The following PITPNC1 variants were observed in gnomAD, a reference collection of about 807,000 sequenced individuals.
The protein encoded by PITPNC1 is cytoplasmic phosphatidylinositol transfer protein 1.
Under a neutral mutation model 44.7 loss-of-function variants are expected in PITPNC1, and 18 were observed. The ratio of observed to expected loss-of-function variants is 0.40; its 90% CI spans 0.28 to 0.60. The LOEUF (loss-of-function observed/expected upper bound fraction) is 0.60. Ranked by LOEUF, PITPNC1 falls within the 20% of genes least tolerant of loss-of-function variation. The pLI is 0.39. For synonymous variants in PITPNC1, 141 were observed against 149.6 expected (o/e 0.94, Z 0.42); for missense variants, 290 against 418.4 (o/e 0.69, Z 2.68).
intron 1 of PITPNC1, among the ~76,000 whole-genome samples, chr17:67,505,098 C>T (rs749682908): frequency 6.6e-6 from 1 of 152,178 alleles, no homozygotes; most frequent in East Asian, 1.9e-4. Context: ...TGTATGAGTT[C>T]AGTCCTTTTA....
chr17:67,425,047 AC>A (rs1385489330), intron 1 of PITPNC1, among the ~76,000 whole-genome samples: 1 of 151,522 alleles, frequency 6.6e-6, no homozygotes, highest in Non-Finnish European at 1.5e-5. Context: ...TGTGAGATCC[AC>A]CCCCTGCCTG....
At chr17:67,562,539 C>CT (rs372142034) in intron 4 of PITPNC1, among the ~76,000 whole-genome samples, 11 of 151,584 alleles carry the variant, frequency 7.3e-5, no homozygotes, top group Non-Finnish European at 1.3e-4. Context: ...GAAAAGTCTA[C>CT]TTTTTTTTTC....
intron 1 of PITPNC1, among the ~76,000 whole-genome samples, chr17:67,472,154 C>T (rs1186316781): frequency 4.0e-5 from 6 of 151,706 alleles, no homozygotes; most frequent in Non-Finnish European, 7.4e-5. Flanking sequence ...TGAAGTTAAC[C>T]TTGATCACTT....
chr17:67,564,197 A>ATGGT (rs2040944758), intron 4 of PITPNC1, among the ~76,000 whole-genome samples: 1 of 151,460 alleles, frequency 6.6e-6, no homozygotes, highest in South Asian at 2.1e-4. Context: ...GGATGGATGG[A>ATGGT]TGGATGAGAG....
chr17:67,380,835 G>A (rs1172843206), intron 1 of PITPNC1, among the ~76,000 whole-genome samples: 1 of 151,926 alleles, frequency 6.6e-6, no homozygotes, highest in Non-Finnish European at 1.5e-5. Context: ...GTGCAGTGGC[G>A]TGATCCTAGT....
At chr17:67,452,737 C>A (rs1048788180) in intron 1 of PITPNC1, among the ~76,000 whole-genome samples, 2 of 152,184 alleles carry the variant, frequency 1.3e-5, no homozygotes, top group Non-Finnish European at 2.9e-5. Context: ...CCACCCACCT[C>A]GGCCTCCCAA....
intron 1 of PITPNC1, among the ~76,000 whole-genome samples, chr17:67,509,557 T>TAAAAAAA (rs968819063): frequency 3.7e-5 from 5 of 135,194 alleles, no homozygotes; most frequent in African/African-American, 1.4e-4. Flanking sequence ...TAAATTGAAT[T>TAAAAAAA]AAAAATAAAT....
intron 1 of PITPNC1, among the ~76,000 whole-genome samples, chr17:67,433,435 A>G (rs376064023): frequency 1.3e-5 from 2 of 152,184 alleles, no homozygotes; most frequent in African/African-American, 4.8e-5. Context: ...AGCCCCGGGC[A>G]GAAGATAGAA....
At chr17:67,658,578 G>A (rs1398949451) in intron 6 of PITPNC1, among the ~76,000 whole-genome samples, 1 of 152,156 alleles carries the variant, frequency 6.6e-6, no homozygotes, top group African/African-American at 2.4e-5. Context: ...GTGTCTGCAT[G>A]CCTAATTCTT....
chr17:67,510,821 C>T (rs894154081), intron 1 of PITPNC1, among the ~76,000 whole-genome samples: 22 of 152,094 alleles, frequency 1.4e-4, no homozygotes, highest in Non-Finnish European at 2.2e-4. Flanking sequence ...TAAAGACTCC[C>T]GGGTCCCATC....
chr17:67,490,980 T>C (rs1409216169), intron 1 of PITPNC1, among the ~76,000 whole-genome samples: 2 of 152,238 alleles, frequency 1.3e-5, no homozygotes, highest in African/African-American at 4.8e-5. Context: ...TTTTCCTCTC[T>C]AGATTAGCAC....
At chr17:67,683,162 C>CAA (rs901577194) in intron 8 of PITPNC1, among the ~76,000 whole-genome samples, 3,190 of 36,192 alleles carry the variant, frequency 0.088, 107 homozygotes, top group East Asian at 0.16. Context: ...AACTGAGTCT[C>CAA]AAAAAAAAAA....
intron 1 of PITPNC1, among the ~76,000 whole-genome samples, chr17:67,447,089 C>CAAAA (rs749024248): frequency 0.2 from 7,189 of 35,390 alleles, 1,728 homozygotes; most frequent in Non-Finnish European, 0.29. Flanking sequence ...GACTCTGTCT[C>CAAAA]AAAAAAAAAA....
chr17:67,382,458 C>T (rs1267696983), intron 1 of PITPNC1, among the ~76,000 whole-genome samples: 1 of 151,054 alleles, frequency 6.6e-6, no homozygotes, highest in African/African-American at 2.4e-5. Context: ...TGGAATAGTC[C>T]CTCGTTTGTG....
chr17:67,627,502 G>A (rs2041910330), intron 5 of PITPNC1, among the ~76,000 whole-genome samples: 1 of 152,218 alleles, frequency 6.6e-6, no homozygotes, highest in South Asian at 2.1e-4. Context: ...TGCAGCCTTA[G>A]CTATTCAACA....
At chr17:67,405,815 C>G (rs1211070634) in intron 1 of PITPNC1, among the ~76,000 whole-genome samples, 1 of 152,026 alleles carries the variant, frequency 6.6e-6, no homozygotes, top group Admixed American at 6.6e-5. Flanking sequence ...CCATGTTGCC[C>G]AGGCTGGTCT....
chr17:67,539,476 C>T (rs1037852998), intron 2 of PITPNC1, among the ~76,000 whole-genome samples: 1 of 152,206 alleles, frequency 6.6e-6, no homozygotes, highest in Non-Finnish European at 1.5e-5. Flanking sequence ...AGCAGTTCAA[C>T]TTAATGAACT....
chr17:67,390,891 C>G (rs2038128134), intron 1 of PITPNC1, among the ~76,000 whole-genome samples: 1 of 152,134 alleles, frequency 6.6e-6, no homozygotes, highest in Non-Finnish European at 1.5e-5. Flanking sequence ...CAGAGCTCAC[C>G]AAGATTCTGA....
At chr17:67,455,643 T>C (rs983907831) in intron 1 of PITPNC1, among the ~76,000 whole-genome samples, 1 of 152,042 alleles carries the variant, frequency 6.6e-6, no homozygotes, top group Non-Finnish European at 1.5e-5. Context: ...GGTTTCACCA[T>C]GTTGGCCAGA....
Sources: allele counts gnomAD v4.1 joint callset (sites outside exome capture counted in the v4.1 genomes callset), GRCh38; gene constraint gnomAD v4.1.1; transcripts MANE v1.5; gene names NCBI Gene and HGNC (gene_info 2026-07-23, HGNC 2026-07-21).